Variants in ZNF532 observed in about 807,000 individuals in gnomAD.
ZNF532 encodes the protein zinc finger protein 532.
A neutral mutation model predicts 89.3 loss-of-function variants in ZNF532; 22 were observed. That is an observed-to-expected ratio of 0.25 (90% CI 0.18 to 0.35). The LOEUF (loss-of-function observed/expected upper bound fraction) is 0.35, where lower values mean the gene tolerates loss of function less well. Ranked by LOEUF, ZNF532 falls within the 10% of genes least tolerant of loss-of-function variation. The probability of loss-of-function intolerance (pLI) is 1.00; values close to 1 mark genes in which losing one functional copy is unlikely to be tolerated. For missense variants in ZNF532, 1,132 were observed against 1,643.4 expected, an observed-to-expected ratio of 0.69 and a Z score of 5.38; for synonymous variants, 606 against 649.6, an observed-to-expected ratio of 0.93 and a Z score of 1.02.
chr18:58,883,213 C>G (rs1602598139), intron 2 of ZNF532, among the ~76,000 whole-genome samples: 3 of 152,012 alleles, frequency 2.0e-5, no homozygotes, highest in Non-Finnish European at 4.4e-5. Flanking sequence ...TCTGTTTACT[C>G]CAGGAAGAGA....
At chr18:58,917,255 GTTC>G (rs1187138751) in intron 2 of ZNF532, among the ~76,000 whole-genome samples, 1 of 152,244 alleles carries the variant, frequency 6.6e-6, no homozygotes, top group African/African-American at 2.4e-5. Flanking sequence ...GTCCAGCCCT[GTTC>G]TTCTGTTATA....
chr18:58,974,251 A>G (rs796121211), intron 7 of ZNF532, among the ~76,000 whole-genome samples: 1 of 152,220 alleles, frequency 6.6e-6, no homozygotes, highest in South Asian at 2.1e-4. Flanking sequence ...TCCTTATGCA[A>G]GTATTAGCAT....
intron 8 of ZNF532, chr18:58,980,354 T>C (rs1430520698): frequency 1.3e-5 from 2 of 152,220 alleles, no homozygotes; most frequent in African/African-American, 2.4e-5. Context: ...TATTTCCCCA[T>C]GAACTCACTG....
chr18:58,958,759 G>A (rs1391063909), intron 7 of ZNF532, among the ~76,000 whole-genome samples: 4 of 152,320 alleles, frequency 2.6e-5, no homozygotes, highest in Admixed American at 1.3e-4. Context: ...CACCACCTTT[G>A]TAGTCTCTAT....
At chr18:58,928,557 G>A (rs891901621) in intron 3 of ZNF532, among the ~76,000 whole-genome samples, 3 of 152,178 alleles carry the variant, frequency 2.0e-5, no homozygotes, top group African/African-American at 4.8e-5. Context: ...GCCAGGAACC[G>A]AAAGCCTGCT....
At chr18:58,939,768 A>C in intron 5 of ZNF532, 147 bp downstream of exon 5, 1 of 615,366 alleles carries the variant, frequency 1.6e-6, no homozygotes, top group East Asian at 3.0e-5. Context: ...AATACAGCTC[A>C]TAGCTCATCC....
intron 5 of ZNF532, among the ~76,000 whole-genome samples, chr18:58,942,125 C>G (rs1205032588): frequency 6.6e-6 from 1 of 151,292 alleles, no homozygotes; most frequent in African/African-American, 2.4e-5. Flanking sequence ...CGAGTTCAAG[C>G]CATTCTCCTG....
intron 2 of ZNF532, among the ~76,000 whole-genome samples, chr18:58,910,470 GTTTA>G (rs1176745547): frequency 6.6e-6 from 1 of 151,856 alleles, no homozygotes; most frequent in African/African-American, 2.4e-5. Context: ...AAATTCTCTA[GTTTA>G]TTTTTTTTTT....
rs1555704787 is a variant in ZNF532, at chr18:58,880,771, C to CCCGTGTGTGTGTGTGTGT, written c.-18+15192_-18+15193insCCGTGTGTGTGTGTGTGT. ...TCATAGGCGCGCGCGCACGCGCGCG[C>CCCGTGTGTGTGTGTGTGT]GTCTGTGTGTGTGTGTGTATGTTTG... On this transcript the variant is annotated intron_variant, in intron 2 of 9. Coordinates refer to ENST00000591808, the MANE Select transcript of ZNF532 (RefSeq NM_001375912.1). Among the ~76,000 whole-genome samples, 6 of 145,258 alleles carry CCCGTGTGTGTGTGTGTGT rather than the reference C, an allele frequency of 4.1e-5. No individual in the cohort carries two copies. In the East Asian group the frequency reaches 1.2e-3, roughly 29 times the overall value.
At position 58,936,292 on chromosome 18, in the gene ZNF532, G is replaced by C. The variant is rs183444208; in HGVS notation, c.2528+1678G>C. On this transcript the variant is annotated intron_variant, in intron 4 of 9. Transcript: ENST00000591808. ...CATGCAGAATAATACTTTCGTTCTTGCCATCACGTTTTGAAACTATTATTA... is the reference window on the plus strand; with the variant it reads ...CATGCAGAATAATACTTTCGTTCTTCCCATCACGTTTTGAAACTATTATTA... Among the ~76,000 whole-genome samples the C allele has an allele frequency of 7.2e-5, 11 of 152,288 alleles. No homozygotes were observed. The East Asian group carries it at 1.9e-3, about 27-fold the overall frequency.
chr18:58,964,529 T>C (rs1399043992), intron 7 of ZNF532, among the ~76,000 whole-genome samples: 4 of 140,672 alleles, frequency 2.8e-5, no homozygotes, highest in African/African-American at 8.6e-5. Context: ...GGAATTGATA[T>C]TTTGTTTGTG....
intron 7 of ZNF532, among the ~76,000 whole-genome samples, chr18:58,968,946 G>GAAACCTAAAACAACTAGA (rs1435386408): frequency 3.2e-4 from 48 of 152,278 alleles, no homozygotes; most frequent in Non-Finnish European, 6.5e-4. Flanking sequence ...ACATTACCTT[G>GAAACCTAAAACAACTAGA]AAACCTAAAA....
At chr18:58,952,148 CTTCT>C (rs1379759955) in intron 6 of ZNF532, among the ~76,000 whole-genome samples, 1 of 152,216 alleles carries the variant, frequency 6.6e-6, no homozygotes, top group East Asian at 1.9e-4. Flanking sequence ...GAAGGAATGG[CTTCT>C]TTCTTAAACA....
intron 2 of ZNF532, among the ~76,000 whole-genome samples, chr18:58,915,388 C>G (rs558060746): frequency 6.6e-6 from 1 of 152,300 alleles, no homozygotes; most frequent in South Asian, 2.1e-4. Context: ...ACGCTGGACT[C>G]CCCCACGTCC....
intron 3 of ZNF532, among the ~76,000 whole-genome samples, chr18:58,921,013 C>G (rs2061031333): frequency 6.6e-6 from 1 of 151,706 alleles, no homozygotes; most frequent in South Asian, 2.1e-4. Context: ...TTGCTTGAGC[C>G]CAGGAGTTTG....
At chr18:58,913,134 T>C (rs2060384207) in intron 2 of ZNF532, among the ~76,000 whole-genome samples, 1 of 152,196 alleles carries the variant, frequency 6.6e-6, no homozygotes, top group African/African-American at 2.4e-5. Context: ...AGAAGGTTTT[T>C]TTTCTTTTCT....
Position 58,914,461 on chromosome 18 carries a change from C to T in ZNF532, c.-17-3810C>T, listed in dbSNP as rs569784042. ...CTCTGGGAGGCCGCGGCGGGCGGAT[C>T]ACGAGGTCAGGAGCTTGAGACCAGC... is the stretch of plus-strand genomic sequence containing the variant. On this transcript the variant is annotated intron_variant, in intron 2 of 9. Transcript: ENST00000591808. 1.1e-4 allele frequency among the ~76,000 whole-genome samples: 16 copies of T among 152,340 alleles called. No individual in the cohort carries two copies. In the South Asian group the frequency reaches 3.3e-3, roughly 32 times the overall value.
Position 58,984,158 on chromosome 18 carries a change from G to C in ZNF532, c.3598G>C (p.Gly1200Arg). 2 of 1,611,888 alleles carry C rather than the reference G, an allele frequency of 1.2e-6. No homozygotes were observed. Among genetic ancestry groups the C allele is most frequent in the Non-Finnish European group, 1.7e-6 (2 of 1,179,852 alleles). ...HEHIPQHKSD[G>R]SSYQCRECGL... is the part of the protein sequence containing the mutation. The stretch of plus-strand genomic sequence containing the variant: ...ACACATCCCTCAGCACAAATCGGAT[G>C]GTTCTTCCTACCAGTGCCGGGAGTG... Residue 1200 changes from glycine (G) to arginine (R), a missense_variant, in exon 10 of 10, where the codon GGT becomes CGT. Gly to Arg is a moderately radical substitution (Grantham distance 125). Transcript: ENST00000591808.
chr18:58,902,549 A>G (rs529824439), intron 2 of ZNF532, among the ~76,000 whole-genome samples: 2 of 150,426 alleles, frequency 1.3e-5, no homozygotes, highest in Admixed American at 6.6e-5. Flanking sequence ...CTGGAGTGCA[A>G]TGGTGTGATC....
Sources: allele counts gnomAD v4.1 joint callset (sites outside exome capture counted in the v4.1 genomes callset), GRCh38; gene constraint gnomAD v4.1.1; transcripts MANE v1.5; gene names NCBI Gene and HGNC (gene_info 2026-07-23, HGNC 2026-07-21).